SSH2: variants seen among roughly 807,000 people sequenced by gnomAD.
The protein encoded by SSH2 is slingshot protein phosphatase 2.
SSH2 carries 37 observed loss-of-function variants against 135.2 expected under a neutral mutation model. The observed-to-expected ratio is 0.27, with a 90% CI of 0.21 to 0.36. The LOEUF is 0.36. SSH2 is among the 10% of genes least tolerant of loss of function. SSH2 has a pLI of 1.00. For missense variants in SSH2, 1,408 were observed against 1,765.3 expected, an observed-to-expected ratio of 0.80 and a Z score of 3.63; for synonymous variants, 628 against 646.2, an observed-to-expected ratio of 0.97 and a Z score of 0.43.
chr17:29,652,090 C>G (rs534662436), intron 12 of SSH2, among the ~76,000 whole-genome samples: 1 of 151,890 alleles, frequency 6.6e-6, no homozygotes, highest in Non-Finnish European at 1.5e-5. Flanking sequence ...TGCAGTGAGT[C>G]GAGATTGCGC....
intron 2 of SSH2, among the ~76,000 whole-genome samples, chr17:29,804,568 T>A (rs1282829834): frequency 6.6e-6 from 1 of 152,228 alleles, no homozygotes; most frequent in Non-Finnish European, 1.5e-5. Flanking sequence ...TTATTTAATG[T>A]GTGCAACCTA....
At chr17:29,704,781 A>G (rs537522686) in intron 3 of SSH2, among the ~76,000 whole-genome samples, 1 of 152,060 alleles carries the variant, frequency 6.6e-6, no homozygotes, top group Admixed American at 6.6e-5. Context: ...AATCTAAATT[A>G]TTTCATATCA....
chr17:29,630,666 C>A lies in SSH2; in HGVS notation c.*175G>T. On this transcript the variant is annotated 3_prime_UTR_variant, in exon 16 of 16. Coordinates refer to ENST00000540801, the MANE Select transcript of SSH2 (RefSeq NM_001282129.2). The stretch of plus-strand genomic sequence containing the variant: ...TGCCATCCAGATCAATCTCTCTTTC[C>A]CCTTACATATACACACACATACACA... 2.1e-6 allele frequency: 1 copy of A among 474,400 alleles called. No individual in the cohort carries two copies. 29.4% of individuals were successfully genotyped at this position (474,400 alleles called of 1,614,324 possible).
chr17:29,648,057 G>T, intron 14 of SSH2, 87 bp downstream of exon 14: 1 of 1,235,028 alleles, frequency 8.1e-7, no homozygotes, highest in Admixed American at 1.8e-5. Flanking sequence ...ATCCAAATCA[G>T]CTTGAGAAGT....
intron 3 of SSH2, among the ~76,000 whole-genome samples, chr17:29,750,666 G>A (rs1290119003): frequency 1.3e-5 from 2 of 151,218 alleles, no homozygotes; most frequent in Non-Finnish European, 2.9e-5. Flanking sequence ...GGGATTACAG[G>A]CACAAGCTAC....
At chr17:29,909,627 A>G (rs8073292) in intron 1 of SSH2, among the ~76,000 whole-genome samples, 127,846 of 152,208 alleles carry the variant, frequency 0.84, 53,739 homozygotes, top group Middle Eastern at 0.91. Flanking sequence ...TATTAAGACT[A>G]TCATGGAACC....
chr17:29,666,790 A>C, intron 11 of SSH2, 77 bp downstream of exon 11: 1 of 1,386,244 alleles, frequency 7.2e-7, no homozygotes, highest in Non-Finnish European at 9.9e-7. Context: ...TGTATAATAA[A>C]ATTTAATAAT....
chr17:29,657,952 G>A (rs184094618), intron 11 of SSH2, among the ~76,000 whole-genome samples: 2 of 150,710 alleles, frequency 1.3e-5, no homozygotes, highest in Admixed American at 6.6e-5. Flanking sequence ...TTGACATATC[G>A]ACATTTTTGT....
At chr17:29,768,003 A>G (rs1275872913) in intron 3 of SSH2, among the ~76,000 whole-genome samples, 1 of 152,192 alleles carries the variant, frequency 6.6e-6, no homozygotes, top group Non-Finnish European at 1.5e-5. Context: ...AGGACCTGGT[A>G]GATATTATCA....
intron 1 of SSH2, among the ~76,000 whole-genome samples, chr17:29,905,838 C>T (rs1010500022): frequency 2.0e-5 from 3 of 152,132 alleles, no homozygotes; most frequent in Non-Finnish European, 4.4e-5. Flanking sequence ...CCCATAAAAC[C>T]CTGGGCTCAG....
At chr17:29,779,838 A>AAAAAAAAC in intron 3 of SSH2, among the ~76,000 whole-genome samples, 1 of 149,170 alleles carries the variant, frequency 6.7e-6, no homozygotes. Flanking sequence ...AAAAAAAAAA[A>AAAAAAAAC]AAGATGAACA....
chr17:29,821,096 A>C (rs1046401721), intron 2 of SSH2, among the ~76,000 whole-genome samples: 1 of 152,178 alleles, frequency 6.6e-6, no homozygotes, highest in Non-Finnish European at 1.5e-5. Context: ...CTTTCATCAA[A>C]GACTTGGCTC....
chr17:29,691,267 T>A (rs2038461048), intron 5 of SSH2, among the ~76,000 whole-genome samples: 1 of 152,260 alleles, frequency 6.6e-6, no homozygotes, highest in African/African-American at 2.4e-5. Flanking sequence ...TCAGCTTTAG[T>A]TAAGAACATC....
chr17:29,870,154 C>T lies in SSH2; in HGVS notation c.64-21225G>A, dbSNP rs181512158. On this transcript the variant is annotated intron_variant, in intron 1 of 15. Transcript: ENST00000540801. ...CTCATTGCAGCATTTATTATAATAA[C>T]GATATCCTGGAGACTGGTTAAATAC... Among the ~76,000 whole-genome samples the T allele has an allele frequency of 6.6e-5, 10 of 151,352 alleles. No individual in the cohort carries two copies. In the East Asian group the frequency reaches 1.2e-3, roughly 18 times the overall value.
intron 2 of SSH2, among the ~76,000 whole-genome samples, chr17:29,798,379 G>A (rs555360660): frequency 2.6e-5 from 4 of 151,842 alleles, no homozygotes; most frequent in East Asian, 3.9e-4. Context: ...GGGTGGTCTC[G>A]AACTCCTGAC....
At chr17:29,826,348 ACCATGTCAGTTC>A (rs1490211079) in intron 2 of SSH2, among the ~76,000 whole-genome samples, 1 of 152,198 alleles carries the variant, frequency 6.6e-6, no homozygotes, top group Non-Finnish European at 1.5e-5. Context: ...CAGTCACATG[ACCATGTCAGTTC>A]CCAAGGAAAC....
At chr17:29,908,553 T>G (rs1005245892) in intron 1 of SSH2, among the ~76,000 whole-genome samples, 3 of 150,258 alleles carry the variant, frequency 2.0e-5, no homozygotes, top group Middle Eastern at 3.3e-3. Context: ...TCACTTGAGG[T>G]CAGGAGTTCC....
intron 2 of SSH2, among the ~76,000 whole-genome samples, chr17:29,845,167 C>T (rs1007756320): frequency 2.0e-5 from 3 of 152,178 alleles, no homozygotes; most frequent in Non-Finnish European, 1.5e-5. Flanking sequence ...AGTTCTTCGA[C>T]GATTGACTTT....
chr17:29,702,693 T>A (rs2039035627), intron 4 of SSH2, among the ~76,000 whole-genome samples: 1 of 152,114 alleles, frequency 6.6e-6, no homozygotes, highest in African/African-American at 2.4e-5. Context: ...CAATCTTAAC[T>A]GAGAAGTTCC....
Sources: gnomAD v4.1 joint callset for allele counts (sites outside exome capture counted in the v4.1 genomes callset) on GRCh38, gnomAD v4.1.1 for gene constraint, MANE v1.5 for transcripts, NCBI Gene and HGNC (gene_info 2026-07-23, HGNC 2026-07-21) for gene names.